Variants in OXR1 observed in about 807,000 individuals in gnomAD.
OXR1 encodes oxidation resistance protein 1.
A neutral mutation model predicts 104.6 loss-of-function variants in OXR1; 41 were observed. The ratio of observed to expected loss-of-function variants is 0.39; its 90% CI spans 0.31 to 0.51. The LOEUF is 0.51. Ranked by LOEUF, OXR1 falls within the 20% of genes least tolerant of loss-of-function variation. The pLI is 0.77. For synonymous variants in OXR1, 348 were observed against 348.4 expected, an observed-to-expected ratio of 1.00 and a Z score of 0.01; for missense variants, 955 against 1,031.9, an observed-to-expected ratio of 0.93 and a Z score of 1.02.
At chr8:106,704,393 C>CTTCT (rs1830917410) in intron 8 of OXR1, among the ~76,000 whole-genome samples, 1 of 47,888 alleles carries the variant, frequency 2.1e-5, no homozygotes, top group African/African-American at 1.0e-4. Flanking sequence ...CTTTCTTCTT[C>CTTCT]TTTTTTTTTT....
In OXR1 at chr8:106,742,905, A is replaced by G. The variant is rs186160947; in HGVS notation, c.2412+588A>G. On this transcript the variant is annotated intron_variant, in intron 15 of 16. Coordinates refer to ENST00000517566, the MANE Select transcript of OXR1 (RefSeq NM_001198533.2). ...AGATACGGGCAAAGATTTCATGACA[A>G]CAATGCCAAAAGCAGTTGCAACAGA... 3.3e-5 allele frequency among the ~76,000 whole-genome samples: 5 copies of G among 152,360 alleles called. No individual in the cohort carries two copies. The East Asian group carries it at 9.6e-4, about 29-fold the overall frequency.
At chr8:106,361,595 G>A (rs1039796325) in intron 2 of OXR1, among the ~76,000 whole-genome samples, 1 of 152,124 alleles carries the variant, frequency 6.6e-6, no homozygotes, top group Non-Finnish European at 1.5e-5. Flanking sequence ...TTTAGACATC[G>A]TTAACCTTCT....
chr8:106,706,183 A>G (rs536372698), intron 8 of OXR1, among the ~76,000 whole-genome samples, 199 bp from the exon 9 acceptor site: 2 of 152,278 alleles, frequency 1.3e-5, no homozygotes, highest in Admixed American at 6.5e-5. Context: ...TAATTACTTG[A>G]TTTATAGAAT....
chr8:106,515,252 A>G (rs890712538), intron 2 of OXR1, among the ~76,000 whole-genome samples: 1 of 152,106 alleles, frequency 6.6e-6, no homozygotes, highest in African/African-American at 2.4e-5. Flanking sequence ...AAATATGTAT[A>G]TGCTGTGCAA....
intron 15 of OXR1, among the ~76,000 whole-genome samples, chr8:106,743,176 A>G (rs966310373): frequency 1.1e-4 from 16 of 152,204 alleles, no homozygotes; most frequent in African/African-American, 3.6e-4. Context: ...CCTGTGAAAT[A>G]AAGCTCAACA....
At chr8:106,634,192 G>A (rs1014363237) in intron 3 of OXR1, among the ~76,000 whole-genome samples, 3 of 152,132 alleles carry the variant, frequency 2.0e-5, no homozygotes, top group Non-Finnish European at 4.4e-5. Flanking sequence ...AGTATAACGT[G>A]AAAGGCAAGT....
At position 106,350,194 on chromosome 8, in the gene OXR1, G is replaced by A. The variant is rs138311714; in HGVS notation, c.-138-9282G>A. On this transcript the variant is annotated intron_variant, in intron 1 of 16. Transcript: ENST00000517566. ...CGCATTAAAGTTCAGGAGAAAATGAGATCAACGCACAGGGACAAAAGTTGT... is the reference window on the plus strand; with the variant it reads ...CGCATTAAAGTTCAGGAGAAAATGAAATCAACGCACAGGGACAAAAGTTGT... Among the ~76,000 whole-genome samples, 184 of 152,236 alleles carry A rather than the reference G, an allele frequency of 1.2e-3. 3 individuals carry two copies. Among genetic ancestry groups the A allele is most frequent in the African/African-American group, 7.7e-4 (32 of 41,538 alleles).
At chr8:106,657,913 G>A (rs2282510) in intron 3 of OXR1, 464,428 of 1,246,294 alleles carry the variant, frequency 0.37, 87,421 homozygotes, top group Middle Eastern at 0.42. Context: ...GCCGGTGGGC[G>A]CGCTAGTGGT....
At chr8:106,508,532 G>C (rs987723409) in intron 2 of OXR1, among the ~76,000 whole-genome samples, 20 of 152,138 alleles carry the variant, frequency 1.3e-4, no homozygotes, top group African/African-American at 4.6e-4. Context: ...TCCGAATTTC[G>C]ATAGGGCAGC....
chr8:106,387,872 A>T (rs952867388), intron 2 of OXR1, among the ~76,000 whole-genome samples: 3 of 152,228 alleles, frequency 2.0e-5, no homozygotes, highest in Non-Finnish European at 4.4e-5. Flanking sequence ...AAATCTGTTT[A>T]CAGTAACAAC....
At chr8:106,390,075 T>G (rs1334373279) in intron 2 of OXR1, among the ~76,000 whole-genome samples, 2 of 151,938 alleles carry the variant, frequency 1.3e-5, no homozygotes, top group Admixed American at 1.3e-4. Context: ...CAAAAAAAAA[T>G]TATCCATTGT....
Position 106,460,317 on chromosome 8 carries a change from T to C in OXR1, c.24-58626T>C, listed in dbSNP as rs148952215. 4.6e-5 allele frequency among the ~76,000 whole-genome samples: 7 copies of C among 152,324 alleles called. No individual in the cohort carries two copies. The East Asian group carries it at 1.2e-3, about 25-fold the overall frequency. The stretch of plus-strand genomic sequence containing the variant: ...TAAAAGCTGCCTTTGTCAGTTTCCA[T>C]GCACAGGATTAAGTGCCTTCATCTT... On this transcript the variant is annotated intron_variant, in intron 2 of 16. Coordinates refer to ENST00000517566, the MANE Select transcript of OXR1 (RefSeq NM_001198533.2).
At chr8:106,618,754 ACT>A (rs1280637831) in intron 3 of OXR1, among the ~76,000 whole-genome samples, 3 of 151,940 alleles carry the variant, frequency 2.0e-5, no homozygotes, top group Non-Finnish European at 4.4e-5. Flanking sequence ...TTTCATTAAG[ACT>A]CTCCAAACCA....
chr8:106,384,641 G>A (rs1219689840), intron 2 of OXR1, among the ~76,000 whole-genome samples: 3 of 152,008 alleles, frequency 2.0e-5, no homozygotes, highest in Non-Finnish European at 4.4e-5. Flanking sequence ...TTTCTCTATA[G>A]AGATGGAAAT....
chr8:106,321,925 T>C (rs1814236638), intron 1 of OXR1, among the ~76,000 whole-genome samples: 1 of 152,220 alleles, frequency 6.6e-6, no homozygotes. Context: ...AATACAACTT[T>C]ATATATCTTC....
intron 16 of OXR1, among the ~76,000 whole-genome samples, chr8:106,749,781 C>T (rs1835721868): frequency 6.6e-6 from 1 of 152,150 alleles, no homozygotes; most frequent in Non-Finnish European, 1.5e-5. Context: ...GCCCCCTCTC[C>T]TCTTCTATTA....
chr8:106,743,905 A>T (rs930598290), intron 15 of OXR1, among the ~76,000 whole-genome samples: 1 of 152,206 alleles, frequency 6.6e-6, no homozygotes, highest in Non-Finnish European at 1.5e-5. Context: ...TACACCATGG[A>T]ATACACCATA....
At chr8:106,337,534 A>G (rs999608941) in intron 1 of OXR1, among the ~76,000 whole-genome samples, 1 of 152,208 alleles carries the variant, frequency 6.6e-6, no homozygotes, top group African/African-American at 2.4e-5. Context: ...GTAGAACCCA[A>G]GTTTCTAAGC....
At chr8:106,507,727 C>T (rs967455335) in intron 2 of OXR1, among the ~76,000 whole-genome samples, 2 of 152,020 alleles carry the variant, frequency 1.3e-5, no homozygotes, top group East Asian at 1.9e-4. Flanking sequence ...GAGCAGGGAG[C>T]GAGTGAACAG....
Sources: gnomAD v4.1 joint callset for allele counts (sites outside exome capture counted in the v4.1 genomes callset) on GRCh38, gnomAD v4.1.1 for gene constraint, MANE v1.5 for transcripts, NCBI Gene and HGNC (gene_info 2026-07-23, HGNC 2026-07-21) for gene names.